ERBB4: variants seen among roughly 807,000 people sequenced by gnomAD.
ERBB4 encodes erb-b2 receptor tyrosine kinase 4.
In ERBB4, 42 loss-of-function variants were observed where a neutral mutation model predicts 158.0. That is an observed-to-expected ratio of 0.27 (90% CI 0.21 to 0.34). ERBB4 has a LOEUF of 0.34. Ranked by LOEUF, ERBB4 falls within the 10% of genes least tolerant of loss-of-function variation. The pLI, the probability that ERBB4 is intolerant of heterozygous loss-of-function variation, is 1.00. For synonymous variants in ERBB4, 583 were observed against 558.7 expected (o/e 1.04, Z -0.61); for missense variants, 1,333 against 1,624.1 (o/e 0.82, Z 3.08).
chr2:212,489,252 C>T (rs77663780), intron 1 of ERBB4, among the ~76,000 whole-genome samples: 1 of 151,926 alleles, frequency 6.6e-6, no homozygotes, highest in Non-Finnish European at 1.5e-5. Flanking sequence ...TGAGAGATAT[C>T]GTATTACCAA....
At chr2:212,032,527 C>A (rs550459207) in intron 2 of ERBB4, among the ~76,000 whole-genome samples, 11 of 151,950 alleles carry the variant, frequency 7.2e-5, no homozygotes, top group African/African-American at 2.4e-4. Flanking sequence ...TAGTTTAATA[C>A]CTTCACCACT....
In ERBB4 at chr2:211,379,335, C is replaced by T; in HGVS notation, c.*4280G>A. 1 of 226,726 alleles carries T rather than the reference C, an allele frequency of 4.4e-6. No individual in the cohort carries two copies. Among genetic ancestry groups the T allele is most frequent in the East Asian group, 6.4e-5 (1 of 15,722 alleles). The allele number at this position is 226,726 out of a possible 1,614,324, so 14.0% of individuals were successfully genotyped here. ...TAACATGTTTGCCTATTAAATTCTG[C>T]AAGGTGGTGTTTATTTAAAAAAATA... On this transcript the variant is annotated 3_prime_UTR_variant, in exon 28 of 28. Coordinates refer to ENST00000342788, the MANE Select transcript of ERBB4 (RefSeq NM_005235.3).
At chr2:212,527,002 C>T (rs1692483690) in intron 1 of ERBB4, among the ~76,000 whole-genome samples, 2 of 151,886 alleles carry the variant, frequency 1.3e-5, no homozygotes, top group African/African-American at 2.4e-5. Flanking sequence ...TGACTTTTAT[C>T]CACTCTAAAT....
At chr2:211,580,814 T>TA (rs1251677236) in intron 19 of ERBB4, among the ~76,000 whole-genome samples, 3,797 of 50,974 alleles carry the variant, frequency 0.074, 586 homozygotes, top group African/African-American at 0.25. Flanking sequence ...ATATATATAA[T>TA]ATATATATAT....
At chr2:212,510,155 A>AAT (rs1013903891) in intron 1 of ERBB4, among the ~76,000 whole-genome samples, 46 of 144,500 alleles carry the variant, frequency 3.2e-4, no homozygotes, top group East Asian at 1.6e-3. Context: ...TATACATATA[A>AAT]ATATATATAT....
At chr2:212,045,652 C>T (rs2077243093) in intron 2 of ERBB4, among the ~76,000 whole-genome samples, 1 of 152,106 alleles carries the variant, frequency 6.6e-6, no homozygotes, top group African/African-American at 2.4e-5. Flanking sequence ...TGAGACTGAA[C>T]AGTACCAACA....
intron 5 of ERBB4, among the ~76,000 whole-genome samples, chr2:211,748,420 T>C (rs2075035200): frequency 1.3e-5 from 2 of 152,106 alleles, no homozygotes; most frequent in African/African-American, 4.8e-5. Context: ...AAAGGAGAAA[T>C]CTGAAAGGTG....
At chr2:212,247,883 G>C (rs1432234325) in intron 1 of ERBB4, among the ~76,000 whole-genome samples, 1 of 152,102 alleles carries the variant, frequency 6.6e-6, no homozygotes, top group Non-Finnish European at 1.5e-5. Context: ...AGAATCACTT[G>C]AACCTGGGAA....
At chr2:212,289,805 A>G (rs1234265627) in intron 1 of ERBB4, among the ~76,000 whole-genome samples, 3 of 152,180 alleles carry the variant, frequency 2.0e-5, no homozygotes, top group Admixed American at 6.6e-5. Flanking sequence ...TATTTTGAAA[A>G]AACAAAAAAC....
chr2:212,169,792 G>C (rs1268865120), intron 1 of ERBB4, among the ~76,000 whole-genome samples: 1 of 152,090 alleles, frequency 6.6e-6, no homozygotes, highest in East Asian at 1.9e-4. Context: ...GATTTATCAA[G>C]AGTTTGATGG....
At chr2:212,083,856 A>T (rs2078519870) in intron 2 of ERBB4, among the ~76,000 whole-genome samples, 1 of 151,744 alleles carries the variant, frequency 6.6e-6, no homozygotes, top group Non-Finnish European at 1.5e-5. Context: ...CAAACAGAAC[A>T]ACGCATATCT....
At chr2:211,525,181 C>T (rs1178182537) in intron 20 of ERBB4, among the ~76,000 whole-genome samples, 4 of 152,116 alleles carry the variant, frequency 2.6e-5, no homozygotes, top group African/African-American at 9.7e-5. Context: ...ACTTCGGGGG[C>T]ACATGACCTA....
At chr2:212,274,060 T>G (rs562352333) in intron 1 of ERBB4, among the ~76,000 whole-genome samples, 1 of 151,932 alleles carries the variant, frequency 6.6e-6, no homozygotes, top group East Asian at 1.9e-4. Flanking sequence ...CATACTATAT[T>G]CTTAAAGTAA....
At chr2:211,660,948 C>A (rs1190693638) in intron 15 of ERBB4, among the ~76,000 whole-genome samples, 3 of 152,104 alleles carry the variant, frequency 2.0e-5, no homozygotes, top group African/African-American at 7.2e-5. Context: ...GGTAAAATAA[C>A]TCTTAAGATA....
chr2:212,214,685 AC>A (rs1310758057), intron 1 of ERBB4, among the ~76,000 whole-genome samples: 6 of 101,914 alleles, frequency 5.9e-5, no homozygotes, highest in East Asian at 1.0e-3. Context: ...TTTTTGGAAA[AC>A]CCTTTGGCAA....
In ERBB4 at chr2:212,179,783, A is replaced by G. The variant is rs368555740; in HGVS notation, c.83-54880T>C. 3.3e-5 allele frequency among the ~76,000 whole-genome samples: 5 copies of G among 151,734 alleles called. No homozygotes were observed. In the South Asian group the frequency reaches 1.0e-3, roughly 31 times the overall value. Reference sequence around the variant, plus strand: ...CAAGGAAAATGTACCAATTATAAACACACTTTATGATGAAATATTTCATTA... The same window carrying G: ...CAAGGAAAATGTACCAATTATAAACGCACTTTATGATGAAATATTTCATTA... On this transcript the variant is annotated intron_variant, in intron 1 of 27. Coordinates refer to ENST00000342788, the MANE Select transcript of ERBB4 (RefSeq NM_005235.3).
At chr2:211,577,408 C>T (rs920565247) in intron 19 of ERBB4, among the ~76,000 whole-genome samples, 41 of 151,842 alleles carry the variant, frequency 2.7e-4, no homozygotes, top group Middle Eastern at 3.2e-3. Context: ...AATCAAGTAC[C>T]TTGTCTTGCG....
At chr2:211,655,859 C>T (rs755079255) in intron 16 of ERBB4, among the ~76,000 whole-genome samples, 8 of 152,268 alleles carry the variant, frequency 5.3e-5, no homozygotes, top group Non-Finnish European at 7.4e-5. Context: ...TGTCACAGTG[C>T]CACTGTTGTA....
At chr2:211,433,125 C>T (rs1341644115) in intron 20 of ERBB4, among the ~76,000 whole-genome samples, 1 of 152,120 alleles carries the variant, frequency 6.6e-6, no homozygotes, top group Admixed American at 6.6e-5. Context: ...ATATGCAATT[C>T]TGTATTTTTA....
Sources: allele counts gnomAD v4.1 joint callset (sites outside exome capture counted in the v4.1 genomes callset), GRCh38; gene constraint gnomAD v4.1.1; transcripts MANE v1.5; gene names NCBI Gene and HGNC (gene_info 2026-07-23, HGNC 2026-07-21).